Variants in GRIN2A observed in about 807,000 individuals in gnomAD.
The protein encoded by GRIN2A is glutamate ionotropic receptor NMDA type subunit 2A.
GRIN2A carries 22 observed loss-of-function variants against 113.4 expected under a neutral mutation model. The observed-to-expected ratio is 0.19, with a 90% CI of 0.14 to 0.28. GRIN2A has a LOEUF of 0.28. Among genes scored for constraint, GRIN2A ranks in the 10% least tolerant of loss-of-function variants. GRIN2A has a pLI of 1.00. For synonymous variants in GRIN2A, 827 were observed against 738.4 expected, an observed-to-expected ratio of 1.12 and a Z score of -1.94; for missense variants, 1,502 against 1,887.0, an observed-to-expected ratio of 0.80 and a Z score of 3.78.
chr16:10,077,015 C>T (rs1380534926), intron 2 of GRIN2A, among the ~76,000 whole-genome samples: 1 of 152,206 alleles, frequency 6.6e-6, no homozygotes, highest in African/African-American at 2.4e-5. Flanking sequence ...AAGTGCAGAA[C>T]CTTTCCTGGC....
At chr16:9,859,191 T>C (rs1309604303) in intron 4 of GRIN2A, among the ~76,000 whole-genome samples, 1 of 151,944 alleles carries the variant, frequency 6.6e-6, no homozygotes, top group Non-Finnish European at 1.5e-5. Context: ...ATCGTCACAC[T>C]AACACACACA....
chr16:10,050,559 C>T lies in GRIN2A; in HGVS notation c.415-112008G>A, dbSNP rs113227222. On this transcript the variant is annotated intron_variant, in intron 2 of 12. Coordinates refer to ENST00000330684, the MANE Select transcript of GRIN2A (RefSeq NM_001134407.3). ...ATGCCTGTTGATCTATCACTACCTC[C>T]CATCAACCCCAGATGGGACCATCTA... is the stretch of plus-strand genomic sequence containing the variant. 1.0e-3 allele frequency among the ~76,000 whole-genome samples: 155 copies of T among 151,738 alleles called. 2 individuals carry two copies. The highest frequency in any genetic ancestry group is 3.9e-4 in the Admixed American group (6 of 15,200).
intron 3 of GRIN2A, among the ~76,000 whole-genome samples, chr16:9,915,226 A>G (rs1452466492): frequency 2.0e-5 from 3 of 151,204 alleles, no homozygotes; most frequent in African/African-American, 4.8e-5. Flanking sequence ...GTGAGCCACC[A>G]CTCCCGGCCA....
rs147456281 is a variant in GRIN2A at position 10,123,596 on chromosome 16, G to A, written c.414+56402C>T. On this transcript the variant is annotated intron_variant, in intron 2 of 12. Coordinates refer to ENST00000330684, the MANE Select transcript of GRIN2A (RefSeq NM_001134407.3). ...GGCAGTTCTTCTCAAACTTTAACAT[G>A]CACGTGAATCGCCGAGGGATCTTGT... is the stretch of plus-strand genomic sequence containing the variant. Among the ~76,000 whole-genome samples, 228 of 152,032 alleles carry A rather than the reference G, an allele frequency of 1.5e-3. 1 individual carries two copies. The highest frequency in any genetic ancestry group is 5.1e-3 in the African/African-American group (209 of 41,320).
chr16:9,778,701 T>C (rs1265590379), intron 11 of GRIN2A, among the ~76,000 whole-genome samples: 1 of 152,184 alleles, frequency 6.6e-6, no homozygotes, highest in Non-Finnish European at 1.5e-5. Flanking sequence ...TTTTACCTAG[T>C]AGACAACCTC....
At chr16:9,867,052 A>T (rs1436738065) in intron 4 of GRIN2A, among the ~76,000 whole-genome samples, 1 of 152,028 alleles carries the variant, frequency 6.6e-6, no homozygotes. Context: ...CCCGATTCCA[A>T]CTTAGACCTC....
At position 9,761,138 on chromosome 16, in the gene GRIN2A, C is replaced by G. The variant is rs1900564866; in HGVS notation, c.*2011G>C. 1 of 232,742 alleles carries G rather than the reference C, an allele frequency of 4.3e-6. No homozygotes were observed. Among genetic ancestry groups the G allele is most frequent in the East Asian group, 6.0e-5 (1 of 16,538 alleles). 14.4% of individuals were successfully genotyped at this position (232,742 alleles called of 1,614,324 possible). A position where few individuals can be genotyped will look rare whatever the true frequency, so the allele number is the denominator to read the frequency against. On this transcript the variant is annotated 3_prime_UTR_variant, in exon 13 of 13. Coordinates refer to ENST00000330684, the MANE Select transcript of GRIN2A (RefSeq NM_001134407.3). ...CCTCCCTCTGTCTCCCTATGATTGA[C>G]CCTGAAATTTATTGCAACCACTTTT...
Position 10,054,863 on chromosome 16 carries a change from T to C in GRIN2A, c.415-116312A>G, listed in dbSNP as rs1485629777. 3.3e-5 allele frequency among the ~76,000 whole-genome samples: 5 copies of C among 151,302 alleles called. No individual in the cohort carries two copies. The South Asian group carries it at 8.4e-4, about 25-fold the overall frequency. ...GAGATCAAGACCATCCTGGCTAATA[T>C]GGTAAAACCCCATCTCTACTAAGAA... On this transcript the variant is annotated intron_variant, in intron 2 of 12. Coordinates refer to ENST00000330684, the MANE Select transcript of GRIN2A (RefSeq NM_001134407.3).
intron 3 of GRIN2A, among the ~76,000 whole-genome samples, chr16:9,902,392 C>T (rs1177630366): frequency 6.6e-6 from 1 of 152,162 alleles, no homozygotes; most frequent in Non-Finnish European, 1.5e-5. Context: ...ATGTGGAAGC[C>T]ACTGGCTGAG....
At chr16:9,808,646 C>A (rs2042027556) in intron 10 of GRIN2A, among the ~76,000 whole-genome samples, 1 of 152,160 alleles carries the variant, frequency 6.6e-6, no homozygotes, top group African/African-American at 2.4e-5. Context: ...AAAGGTCACA[C>A]AGCTGGTATT....
At chr16:9,772,743 T>C (rs1369708105) in intron 11 of GRIN2A, among the ~76,000 whole-genome samples, 5 of 152,090 alleles carry the variant, frequency 3.3e-5, no homozygotes, top group Admixed American at 3.3e-4. Context: ...CCAGAACATC[T>C]TCCTTTCGGT....
At chr16:9,904,897 G>T (rs1183116692) in intron 3 of GRIN2A, among the ~76,000 whole-genome samples, 1 of 152,174 alleles carries the variant, frequency 6.6e-6, no homozygotes, top group African/African-American at 2.4e-5. Context: ...CATTGTTTTT[G>T]ATTGACATCC....
chr16:9,908,166 A>G (rs1345151818), intron 3 of GRIN2A, among the ~76,000 whole-genome samples: 3 of 152,198 alleles, frequency 2.0e-5, no homozygotes, highest in Non-Finnish European at 4.4e-5. Flanking sequence ...ATTAGCAGTA[A>G]TAATGTTTCA....
chr16:9,794,486 TTA>T (rs1418030834), intron 11 of GRIN2A, among the ~76,000 whole-genome samples: 1 of 152,160 alleles, frequency 6.6e-6, no homozygotes, highest in African/African-American at 2.4e-5. Context: ...AGTGAAATAT[TTA>T]TGCAGCTGTG....
chr16:10,046,978 C>CTGTGCACTGTAGGA lies in GRIN2A; in HGVS notation c.415-108441_415-108428dup, dbSNP rs2047271214. Among the ~76,000 whole-genome samples, 3 of 152,282 alleles carry CTGTGCACTGTAGGA rather than the reference C, an allele frequency of 2.0e-5. No homozygotes were observed. The South Asian group carries it at 6.2e-4, about 32-fold the overall frequency. On this transcript the variant is annotated intron_variant, in intron 2 of 12. Transcript: ENST00000330684. ...TAATTCTGTGTGGAAGGAAGCTGTT[C>CTGTGCACTGTAGGA]TGTGCACTGTAGGATGTGTAGAAGC...
intron 4 of GRIN2A, among the ~76,000 whole-genome samples, chr16:9,888,841 T>G (rs902837781): frequency 6.6e-6 from 1 of 152,096 alleles, no homozygotes; most frequent in African/African-American, 2.4e-5. Context: ...GTCAAATGCT[T>G]TTTCCGCATC....
intron 4 of GRIN2A, among the ~76,000 whole-genome samples, chr16:9,854,318 C>A (rs1049747792): frequency 2.6e-5 from 4 of 151,748 alleles, no homozygotes; most frequent in African/African-American, 9.7e-5. Flanking sequence ...TGAGGGTGGC[C>A]GTCTGAATAG....
chr16:9,879,551 C>T (rs550058764), intron 4 of GRIN2A, among the ~76,000 whole-genome samples: 101 of 152,262 alleles, frequency 6.6e-4, no homozygotes, highest in African/African-American at 2.3e-3. Flanking sequence ...ACCTCTCTTC[C>T]CTCTAACCCA....
chr16:9,924,652 A>C (rs1567178720), intron 3 of GRIN2A, among the ~76,000 whole-genome samples: 1 of 152,056 alleles, frequency 6.6e-6, no homozygotes, highest in African/African-American at 2.4e-5. Flanking sequence ...GCCCCCTTTT[A>C]CTTCAGGGAT....
Sources: gnomAD v4.1 joint callset for allele counts (sites outside exome capture counted in the v4.1 genomes callset) on GRCh38, gnomAD v4.1.1 for gene constraint, MANE v1.5 for transcripts, NCBI Gene and HGNC (gene_info 2026-07-23, HGNC 2026-07-21) for gene names.